Variants in C4orf33 observed in about 807,000 individuals in gnomAD.
C4orf33 encodes the protein chromosome 4 open reading frame 33.
In C4orf33, 20 loss-of-function variants were observed where a neutral mutation model predicts 24.3. That is an observed-to-expected ratio of 0.82 (90% CI 0.58 to 1.19). The LOEUF (loss-of-function observed/expected upper bound fraction) is 1.19. Among genes scored for constraint, C4orf33 ranks in the 50% most tolerant of loss-of-function variants. The pLI, the probability that C4orf33 is intolerant of heterozygous loss-of-function variation, is 0.00. For synonymous variants in C4orf33, 67 were observed against 76.4 expected (o/e 0.88, Z 0.64); for missense variants, 207 against 225.9 (o/e 0.92, Z 0.54).
At chr4:129,106,097 TATGAA>T (rs1192504630) in intron 2 of C4orf33, among the ~76,000 whole-genome samples, 1 of 152,180 alleles carries the variant, frequency 6.6e-6, no homozygotes, top group African/African-American at 2.4e-5. Flanking sequence ...TTATGGAATA[TATGAA>T]TTCCATAATT....
chr4:129,096,744 G>A (rs913133991), intron 1 of C4orf33, among the ~76,000 whole-genome samples: 5 of 152,078 alleles, frequency 3.3e-5, no homozygotes, highest in Admixed American at 3.3e-4. Context: ...AATAAATATT[G>A]TATTAAGAAA....
At position 129,102,665 on chromosome 4, in the gene C4orf33, G is replaced by T. The variant is rs773318520; in HGVS notation, c.55G>T (p.Val19Leu). The change falls in exon 2 of 6, where the codon GTA becomes TTA. Residue 19 changes from valine (V) to leucine (L), a missense_variant. Transcript: ENST00000425929. ...TGGTTTTCCAGTGAAGCATGAGCCC[G>T]TATTTATCAGGCTGAATCCAGGTGA... ...WDGFPVKHEP[V>L]FIRLNPGDRG... is the part of the protein sequence containing the mutation. 3 of 1,613,912 alleles carry T rather than the reference G, an allele frequency of 1.9e-6. No individual in the cohort carries two copies. In the African/African-American group the frequency reaches 4.0e-5, roughly 22 times the overall value.
chr4:129,116,206 C>T lies in C4orf33; in HGVS notation c.*4415C>T, dbSNP rs1241027850. The T allele has an allele frequency of 6.6e-6, 1 of 151,850 alleles. No individual in the cohort carries two copies. The highest frequency in any genetic ancestry group is 1.5e-5 in the Non-Finnish European group (1 of 67,980). 9.4% of individuals were successfully genotyped at this position (151,850 alleles called of 1,614,324 possible). On this transcript the variant is annotated 3_prime_UTR_variant, in exon 6 of 6. Transcript: ENST00000425929. ...AATATTCTTTTCCATGTAATGGGATCTACGAGTAAATTTTTGTCTGATATT... is the reference window on the plus strand; with the variant it reads ...AATATTCTTTTCCATGTAATGGGATTTACGAGTAAATTTTTGTCTGATATT...
intron 3 of C4orf33, among the ~76,000 whole-genome samples, chr4:129,107,909 CT>C (rs1432319018): frequency 6.6e-6 from 1 of 151,890 alleles, no homozygotes; most frequent in Non-Finnish European, 1.5e-5. Context: ...TAGATTCTCT[CT>C]TGTTAAGAAA....
rs1006053439 is a variant in C4orf33, at chr4:129,116,449, A to T, written c.*4658A>T. 2 of 152,166 alleles carry T rather than the reference A, an allele frequency of 1.3e-5. No individual in the cohort carries two copies. Among genetic ancestry groups the T allele is most frequent in the African/African-American group, 4.8e-5 (2 of 41,442 alleles). The allele number at this position is 152,166 out of a possible 1,614,324, so 9.4% of individuals were successfully genotyped here. On this transcript the variant is annotated 3_prime_UTR_variant, in exon 6 of 6. Transcript: ENST00000425929. ...ATTTATTTTCTTTTGGCAGCCTATC[A>T]CCTGTAATTTCCGTTAAACAGCATT...
At chr4:129,109,789 C>A (rs337276) in intron 5 of C4orf33, 117 bp downstream of exon 5, 569,028 of 942,722 alleles carry the variant, frequency 0.6, 175,165 homozygotes, top group South Asian at 0.66. Flanking sequence ...GCACAAGTAT[C>A]TAGTAGAGTC....
intron 1 of C4orf33, among the ~76,000 whole-genome samples, chr4:129,096,800 C>T (rs1753220599): frequency 6.6e-6 from 1 of 152,112 alleles, no homozygotes; most frequent in African/African-American, 2.4e-5. Context: ...CAGTAATCAT[C>T]TTGATAATAT....
In C4orf33 at chr4:129,102,664, C is replaced by T. The variant is rs374437996; in HGVS notation, c.54C>T (p.Pro18=). The part of the protein sequence containing the change: ...TWDGFPVKHE[P]VFIRLNPGDR... ...ATGGTTTTCCAGTGAAGCATGAGCC[C>T]GTATTTATCAGGCTGAATCCAGGTG... The change falls in exon 2 of 6, where the codon CCC becomes CCT. Residue 18 remains proline, a synonymous_variant. Coordinates refer to ENST00000425929, the MANE Select transcript of C4orf33 (RefSeq NM_001099783.2). 84 of 1,613,666 alleles carry T rather than the reference C, an allele frequency of 5.2e-5. No homozygotes were observed. The highest frequency in any genetic ancestry group is 6.8e-5 in the Non-Finnish European group (80 of 1,179,818).
At chr4:129,097,339 A>G (rs1020038281) in intron 1 of C4orf33, among the ~76,000 whole-genome samples, 7 of 152,240 alleles carry the variant, frequency 4.6e-5, no homozygotes, top group Non-Finnish European at 1.0e-4. Context: ...CTGCAGGCAG[A>G]TAATTCCCTT....
At chr4:129,102,875 G>A (rs1442958221) in intron 2 of C4orf33, 84 bp downstream of exon 2, 1 of 1,284,448 alleles carries the variant, frequency 7.8e-7, no homozygotes, top group African/African-American at 1.5e-5. Flanking sequence ...TCTTGCTGTT[G>A]GGAAGTAAGT....
rs1402569183 is a variant in C4orf33, at chr4:129,115,664, C to A, written c.*3873C>A. On this transcript the variant is annotated 3_prime_UTR_variant, in exon 6 of 6. Coordinates refer to ENST00000425929, the MANE Select transcript of C4orf33 (RefSeq NM_001099783.2). Reference sequence around the variant, plus strand: ...CTTTATTTAATTTTTCCAAAGTTCCCAATCCCATTCCTTAGAATCACATTC... The same window carrying A: ...CTTTATTTAATTTTTCCAAAGTTCCAAATCCCATTCCTTAGAATCACATTC... 1 of 151,802 alleles carries A rather than the reference C, an allele frequency of 6.6e-6. No homozygotes were observed. The highest frequency in any genetic ancestry group is 1.5e-5 in the Non-Finnish European group (1 of 67,972). The allele number at this position is 151,802 out of a possible 1,614,324, so 9.4% of individuals were successfully genotyped here. A position where few individuals can be genotyped will look rare whatever the true frequency, so the allele number is the denominator to read the frequency against.
chr4:129,107,887 G>T (rs1753564609), intron 3 of C4orf33, among the ~76,000 whole-genome samples: 1 of 151,958 alleles, frequency 6.6e-6, no homozygotes, highest in African/African-American at 2.4e-5. Context: ...AACACTAGAT[G>T]AATAGAATAA....
At position 129,112,454 on chromosome 4, in the gene C4orf33, T is replaced by C. The variant is rs1394629402; in HGVS notation, c.*663T>C. On this transcript the variant is annotated 3_prime_UTR_variant, in exon 6 of 6. Transcript: ENST00000425929. ...TGATAGATACCAGAACAGTGGCTGC[T>C]TAGAGTGAGGGCAGGGAATTCAAAT... 2.0e-5 allele frequency: 3 copies of C among 152,136 alleles called. No homozygotes were observed. The highest frequency in any genetic ancestry group is 4.4e-5 in the Non-Finnish European group (3 of 68,004). The allele number at this position is 152,136 out of a possible 1,614,324, so 9.4% of individuals were successfully genotyped here.
chr4:129,097,661 T>G (rs1374241859), intron 1 of C4orf33, among the ~76,000 whole-genome samples: 1 of 152,240 alleles, frequency 6.6e-6, no homozygotes, highest in East Asian at 1.9e-4. Context: ...CTTATGTCAT[T>G]TTGAATATGT....
chr4:129,101,720 C>A (rs13130762), intron 1 of C4orf33, among the ~76,000 whole-genome samples: 107,476 of 152,026 alleles, frequency 0.71, 40,431 homozygotes, highest in South Asian at 0.89. Flanking sequence ...GTGATTTTAT[C>A]AATGCATTAC....
chr4:129,099,554 A>G (rs528354874), intron 1 of C4orf33, among the ~76,000 whole-genome samples: 1 of 152,362 alleles, frequency 6.6e-6, no homozygotes, highest in South Asian at 2.1e-4. Flanking sequence ...ACTTATAGGC[A>G]TTCTAGCTGG....
At chr4:129,102,818 C>A in intron 2 of C4orf33, 27 bp downstream of exon 2, 2 of 1,575,720 alleles carry the variant, frequency 1.3e-6, no homozygotes, top group Non-Finnish European at 8.6e-7. Flanking sequence ...TATTTTATTG[C>A]AAACATAAAT....
intron 1 of C4orf33, among the ~76,000 whole-genome samples, chr4:129,099,050 T>C (rs111501491): frequency 9.8e-5 from 15 of 152,328 alleles, no homozygotes; most frequent in Admixed American, 3.9e-4. Context: ...ACCTTGGTGC[T>C]CAGAAAACAA....
intron 3 of C4orf33, among the ~76,000 whole-genome samples, chr4:129,109,096 G>A (rs572716443): frequency 7.9e-5 from 12 of 152,154 alleles, no homozygotes; most frequent in East Asian, 1.9e-4. Context: ...TCACCATGTT[G>A]GCCAGGATGG....
Sources: allele counts gnomAD v4.1 joint callset (sites outside exome capture counted in the v4.1 genomes callset), GRCh38; gene constraint gnomAD v4.1.1; transcripts MANE v1.5; gene names NCBI Gene and HGNC (gene_info 2026-07-23, HGNC 2026-07-21).